Variants in PCDH15 observed in about 807,000 individuals in gnomAD.
PCDH15 encodes protocadherin-15.
A neutral mutation model predicts 178.5 loss-of-function variants in PCDH15; 129 were observed. The observed-to-expected ratio is 0.72, with a 90% CI of 0.63 to 0.84. PCDH15 has a LOEUF of 0.84. PCDH15 is among the 40% of genes least tolerant of loss of function. The pLI is 0.00. For synonymous variants in PCDH15, 800 were observed against 732.0 expected (o/e 1.09, Z -1.50); for missense variants, 2,230 against 2,099.9 (o/e 1.06, Z -1.21).
At chr10:55,203,436 T>G (rs1318218646) in intron 1 of PCDH15, among the ~76,000 whole-genome samples, 1 of 152,040 alleles carries the variant, frequency 6.6e-6, no homozygotes, top group Non-Finnish European at 1.5e-5. Flanking sequence ...TTACCCATAT[T>G]TTTAAAGATA....
chr10:54,767,965 A>T (rs149779434), intron 1 of PCDH15, among the ~76,000 whole-genome samples: 1 of 152,310 alleles, frequency 6.6e-6, no homozygotes, highest in East Asian at 1.9e-4. Context: ...ATAATAACGC[A>T]TCAATATTTA....
rs1010866099 is a variant in PCDH15 at position 53,992,087 on chromosome 10, T to C, written c.2868+3562A>G. Among the ~76,000 whole-genome samples, 47 of 151,812 alleles carry C rather than the reference T, an allele frequency of 3.1e-4. 2 individuals are homozygous for C. ...TTGCTGCGAAGGTCTGCAGCTTCAC[T>C]CCTGAGGCCAGCGAGACCATGAACC... On this transcript the variant is annotated intron_variant, in intron 21 of 37. Transcript: ENST00000644397.
intron 1 of PCDH15, among the ~76,000 whole-genome samples, chr10:54,754,924 C>T (rs1391891886): frequency 1.7e-5 from 2 of 118,006 alleles, no homozygotes; most frequent in African/African-American, 3.1e-5. Context: ...ATGTTTTTCA[C>T]ACTTAGAGTT....
At chr10:55,490,209 C>T (rs1352154810) in intron 2 of PCDH15, among the ~76,000 whole-genome samples, 1 of 151,826 alleles carries the variant, frequency 6.6e-6, no homozygotes, top group East Asian at 2.0e-4. Flanking sequence ...AAAACACTAA[C>T]TGAATCAAAG....
intron 3 of PCDH15, among the ~76,000 whole-genome samples, chr10:54,405,196 T>A (rs1204048339): frequency 3.3e-5 from 5 of 152,084 alleles, no homozygotes; most frequent in Middle Eastern, 3.2e-3. Flanking sequence ...CAAAGATACA[T>A]GCATGTAAAT....
At chr10:55,002,285 G>A (rs1476367163) in intron 2 of PCDH15, among the ~76,000 whole-genome samples, 1 of 152,014 alleles carries the variant, frequency 6.6e-6, no homozygotes, top group East Asian at 1.9e-4. Context: ...CTTTGTCCTT[G>A]TTTTGCTGAA....
At chr10:55,283,031 T>C (rs1842771358) in intron 1 of PCDH15, among the ~76,000 whole-genome samples, 1 of 152,168 alleles carries the variant, frequency 6.6e-6, no homozygotes, top group African/African-American at 2.4e-5. Flanking sequence ...CCACACTGCC[T>C]TTGCAGGGCT....
At chr10:54,486,166 G>C in intron 3 of PCDH15, 1 of 152,102 alleles carries the variant, frequency 6.6e-6, no homozygotes. Flanking sequence ...CAGCGTCACA[G>C]AGAACAATTC....
intron 1 of PCDH15, among the ~76,000 whole-genome samples, chr10:55,266,807 C>T (rs762626721): frequency 5.9e-5 from 9 of 152,158 alleles, no homozygotes; most frequent in Admixed American, 2.6e-4. Context: ...CACTAAGCGG[C>T]CTACTCCAGG....
chr10:54,610,189 C>T (rs2134230641), intron 2 of PCDH15, among the ~76,000 whole-genome samples: 1 of 151,354 alleles, frequency 6.6e-6, no homozygotes, highest in South Asian at 2.1e-4. Context: ...TCGATTTTTT[C>T]AAATATAGTA....
chr10:55,403,804 C>T (rs985171377), intron 2 of PCDH15, among the ~76,000 whole-genome samples: 9 of 151,854 alleles, frequency 5.9e-5, no homozygotes, highest in South Asian at 4.1e-4. Context: ...GTCTGTTTGA[C>T]GTTCAAGATG....
intron 8 of PCDH15, among the ~76,000 whole-genome samples, chr10:54,309,099 G>T (rs2060733604): frequency 6.6e-6 from 1 of 151,946 alleles, no homozygotes; most frequent in African/African-American, 2.4e-5. Context: ...AAAGTGATTG[G>T]CCAAGGGACT....
rs1472013152 is a variant in PCDH15, at chr10:53,803,303, G to A, written c.*3276C>T. On this transcript the variant is annotated 3_prime_UTR_variant, in exon 38 of 38. Coordinates refer to ENST00000644397, the MANE Select transcript of PCDH15 (RefSeq NM_001384140.1). The stretch of plus-strand genomic sequence containing the variant: ...AATCCCACTTAAGGTATAAAGTGCA[G>A]AAGGTGAAGCAGAGAAAGAGAAAAA... The A allele has an allele frequency of 6.6e-6, 1 of 151,910 alleles. No individual in the cohort carries two copies. Among genetic ancestry groups the A allele is most frequent in the African/African-American group, 2.4e-5 (1 of 41,402 alleles). The allele number at this position is 151,910 out of a possible 1,614,324, so 9.4% of individuals were successfully genotyped here.
rs561351306 is a variant in PCDH15, at chr10:55,124,398, G to A, written c.-80+42178C>T. Among the ~76,000 whole-genome samples the A allele has an allele frequency of 1.7e-4, 26 of 152,166 alleles. No individual in the cohort carries two copies. The South Asian group carries it at 3.7e-3, about 22-fold the overall frequency. Reference sequence around the variant, plus strand: ...GTAAACAGCCATTCAAGATGATTTCGAATGATGTAAACATGCACACACACA... The same window carrying A: ...GTAAACAGCCATTCAAGATGATTTCAAATGATGTAAACATGCACACACACA... On this transcript the variant is annotated intron_variant, in intron 2 of 5. Transcript: ENST00000458638.
intron 32 of PCDH15, among the ~76,000 whole-genome samples, chr10:53,827,102 C>G (rs1434668224): frequency 1.3e-5 from 2 of 151,258 alleles, no homozygotes; most frequent in Non-Finnish European, 2.9e-5. Context: ...AATGCATGAC[C>G]CTGAGGATTG....
At chr10:54,202,009 G>T (rs1156233919) in intron 10 of PCDH15, among the ~76,000 whole-genome samples, 1 of 152,086 alleles carries the variant, frequency 6.6e-6, no homozygotes, top group East Asian at 1.9e-4. Context: ...CTTCTAGAAG[G>T]TTTATGCATT....
At chr10:54,242,451 T>C (rs2055507854) in intron 8 of PCDH15, among the ~76,000 whole-genome samples, 1 of 151,758 alleles carries the variant, frequency 6.6e-6, no homozygotes, top group Admixed American at 6.6e-5. Context: ...TATTATATCA[T>C]CCCTAATGTT....
chr10:54,951,010 T>C (rs1333976414), intron 2 of PCDH15, among the ~76,000 whole-genome samples: 1 of 151,992 alleles, frequency 6.6e-6, no homozygotes, highest in Non-Finnish European at 1.5e-5. Context: ...GGTTCCCCTA[T>C]TCTTAATATC....
intron 20 of PCDH15, among the ~76,000 whole-genome samples, chr10:54,019,456 C>G (rs1174313518): frequency 2.6e-5 from 4 of 152,092 alleles, no homozygotes; most frequent in Non-Finnish European, 4.4e-5. Flanking sequence ...ACAGGTCCTT[C>G]TTTGGGGAAG....
Sources: gnomAD v4.1 joint callset for allele counts (sites outside exome capture counted in the v4.1 genomes callset) on GRCh38, gnomAD v4.1.1 for gene constraint, MANE v1.5 for transcripts, NCBI Gene and HGNC (gene_info 2026-07-23, HGNC 2026-07-21) for gene names.